Variants in ANAPC1 observed in about 807,000 individuals in gnomAD.
ANAPC1 encodes the protein anaphase-promoting complex subunit 1.
In ANAPC1, 36 loss-of-function variants were observed where a neutral mutation model predicts 208.0. That is an observed-to-expected ratio of 0.17 (90% CI 0.13 to 0.23). The LOEUF is 0.23. Ranked by LOEUF, ANAPC1 falls within the 10% of genes least tolerant of loss-of-function variation. The pLI, the probability that ANAPC1 is intolerant of heterozygous loss-of-function variation, is 1.00. For synonymous variants in ANAPC1, 378 were observed against 695.2 expected (o/e 0.54, Z 7.18); for missense variants, 942 against 2,011.6 (o/e 0.47, Z 10.17).
intron 21 of ANAPC1, among the ~76,000 whole-genome samples, chr2:111,827,432 C>T (rs1679896602): frequency 6.6e-6 from 1 of 152,140 alleles, no homozygotes; most frequent in Non-Finnish European, 1.5e-5. Flanking sequence ...CAGACAATGC[C>T]ATCTCCGCAT....
intron 22 of ANAPC1, 130 bp from the exon 23 acceptor site, chr2:111,825,297 A>T: frequency 1.5e-6 from 2 of 1,323,070 alleles, no homozygotes; most frequent in Non-Finnish European, 1.0e-6. Context: ...AATAAGCAAT[A>T]CTGTGGCAGG....
At position 111,767,885 on chromosome 2, in the gene ANAPC1, G is replaced by A. The variant is rs557801334; in HGVS notation, c.*1406C>T. The stretch of plus-strand genomic sequence containing the variant: ...CACATCCAGGAAGAAGCGAGTCCTC[G>A]GGGCAGCCACGCAAATGCAAGGACA... On this transcript the variant is annotated 3_prime_UTR_variant, in exon 48 of 48. Coordinates refer to ENST00000341068, the MANE Select transcript of ANAPC1 (RefSeq NM_022662.4). 24 of 152,282 alleles carry A rather than the reference G, an allele frequency of 1.6e-4. No homozygotes were observed. In the East Asian group the frequency reaches 2.7e-3, roughly 17 times the overall value. The allele number at this position is 152,282 out of a possible 1,614,324, so 9.4% of individuals were successfully genotyped here.
intron 6 of ANAPC1, among the ~76,000 whole-genome samples, chr2:111,871,525 T>C (rs554117676): frequency 1.3e-5 from 2 of 152,220 alleles, no homozygotes; most frequent in East Asian, 1.9e-4. Context: ...CCAAGGTGGG[T>C]GGATCACCTG....
rs111703421 is a variant in ANAPC1, at chr2:111,832,295, C to A, written c.2477-861G>T. Among the ~76,000 whole-genome samples, 1,122 of 143,542 alleles carry A rather than the reference C, an allele frequency of 7.8e-3. 23 individuals carry two copies. Among genetic ancestry groups the A allele is most frequent in the African/African-American group, 0.028 (1,035 of 37,422 alleles). 94.2% of individuals were successfully genotyped at this position (143,542 alleles called of 152,430 possible). A position where few individuals can be genotyped will look rare whatever the true frequency, so the allele number is the denominator to read the frequency against. ...TCCCGTCTGGGCGACAGAGTGAGAC[C>A]CTGTCTCAAGAAAAAAAAAAAAAAA... On this transcript the variant is annotated intron_variant, in intron 20 of 47. Transcript: ENST00000341068.
chr2:111,776,182 G>C (rs1230867188), intron 46 of ANAPC1, among the ~76,000 whole-genome samples: 1 of 151,322 alleles, frequency 6.6e-6, no homozygotes, highest in Non-Finnish European at 1.5e-5. Context: ...ATATTTACTG[G>C]GAGCATTTGA....
chr2:111,883,664 G>A (rs1216422916), intron 1 of ANAPC1, among the ~76,000 whole-genome samples: 2 of 152,206 alleles, frequency 1.3e-5, no homozygotes, highest in East Asian at 1.9e-4. Flanking sequence ...GCTCAGAGGG[G>A]CTGGAGGCCA....
chr2:111,802,780 A>G (rs1206610568), intron 32 of ANAPC1: 2 of 174,558 alleles, frequency 1.1e-5, no homozygotes, highest in African/African-American at 4.5e-5. Flanking sequence ...TCCAAATAGT[A>G]AAGTAATAAA....
rs1677932238 is a variant in ANAPC1, at chr2:111,792,530, C to G, written c.4544G>C (p.Cys1515Ser). 6.2e-7 allele frequency: 1 copy of G among 1,613,752 alleles called. No homozygotes were observed. Among genetic ancestry groups the G allele is most frequent in the African/African-American group, 1.3e-5 (1 of 74,908 alleles). The stretch of plus-strand genomic sequence containing the variant: ...GAGAGACAGCAGCACCACGCTCAGA[C>G]AAGTTTCTAGGTTATGAGGACCTGT... ...SVTGPHNLET[C>S]LSVVLLSLAM... Residue 1515 changes from cysteine to serine, a missense_variant, in exon 38 of 48, where the codon TGT (cysteine) becomes TCT (serine). Transcript: ENST00000341068.
At chr2:111,858,530 G>A in intron 10 of ANAPC1, 129 bp from the exon 11 acceptor site, 1 of 533,902 alleles carries the variant, frequency 1.9e-6, no homozygotes, top group Non-Finnish European at 3.3e-6. Context: ...GGAGGCCGAG[G>A]CGGGCAGATC....
At chr2:111,836,022 T>C (rs1680448031) in intron 18 of ANAPC1, among the ~76,000 whole-genome samples, 2 of 152,150 alleles carry the variant, frequency 1.3e-5, no homozygotes, top group Admixed American at 1.3e-4. Context: ...TACAAGTAGA[T>C]AAAGATTTGA....
chr2:111,825,682 C>T (rs1397382087), intron 22 of ANAPC1, 95 bp downstream of exon 22: 17 of 1,294,842 alleles, frequency 1.3e-5, no homozygotes, highest in South Asian at 2.8e-5. Context: ...AAGACATGGC[C>T]GCCAAAGCAA....
chr2:111,870,547 C>G (rs1436961565), intron 6 of ANAPC1, among the ~76,000 whole-genome samples: 1 of 152,156 alleles, frequency 6.6e-6, no homozygotes, highest in East Asian at 1.9e-4. Context: ...CCTTTACCCA[C>G]TTTTTGAGCT....
chr2:111,798,927 G>T (rs991060263), intron 34 of ANAPC1, among the ~76,000 whole-genome samples: 4 of 151,542 alleles, frequency 2.6e-5, no homozygotes, highest in Non-Finnish European at 5.9e-5. Context: ...CCAGCTACTC[G>T]GGAGGCTGAG....
intron 6 of ANAPC1, among the ~76,000 whole-genome samples, chr2:111,871,148 T>C (rs10205837): frequency 6.6e-6 from 1 of 152,198 alleles, no homozygotes; most frequent in African/African-American, 2.4e-5. Flanking sequence ...TGCTTAGGAT[T>C]GTTTTGGCTA....
At chr2:111,810,864 C>A in intron 28 of ANAPC1, among the ~76,000 whole-genome samples, 1 of 106,528 alleles carries the variant, frequency 9.4e-6, no homozygotes, top group African/African-American at 3.9e-5. Flanking sequence ...GCCTAGGTGA[C>A]AGGGTGAGAC....
intron 18 of ANAPC1, among the ~76,000 whole-genome samples, chr2:111,837,016 T>C (rs1680506766): frequency 6.6e-6 from 1 of 151,982 alleles, no homozygotes; most frequent in Non-Finnish European, 1.5e-5. Flanking sequence ...CCAGTGAATT[T>C]TGGCACTAGC....
intron 28 of ANAPC1, among the ~76,000 whole-genome samples, chr2:111,813,633 G>A (rs1679102110): frequency 6.6e-6 from 1 of 151,106 alleles, no homozygotes; most frequent in African/African-American, 2.4e-5. Flanking sequence ...TAAACCCTGC[G>A]ACAGTCCTTG....
intron 5 of ANAPC1, 46 bp from the exon 6 acceptor site, chr2:111,872,758 C>T (rs1263282489): frequency 1.6e-6 from 2 of 1,229,130 alleles, no homozygotes; most frequent in Non-Finnish European, 2.4e-6. Flanking sequence ...GAGAACCTAC[C>T]CCTTTATAAA....
chr2:111,820,759 G>A (rs1158562085), intron 26 of ANAPC1, among the ~76,000 whole-genome samples: 1 of 148,248 alleles, frequency 6.7e-6, no homozygotes, highest in Non-Finnish European at 1.5e-5. Flanking sequence ...GCAGGGGAGT[G>A]GCAGAAGAAA....
Sources: allele counts gnomAD v4.1 joint callset (sites outside exome capture counted in the v4.1 genomes callset), GRCh38; gene constraint gnomAD v4.1.1; transcripts MANE v1.5; gene names NCBI Gene and HGNC (gene_info 2026-07-23, HGNC 2026-07-21).